PCM1: variants seen among roughly 807,000 people sequenced by gnomAD.
The protein encoded by PCM1 is pericentriolar material 1 protein.
In PCM1, 157 loss-of-function variants were observed where a neutral mutation model predicts 241.9. That is an observed-to-expected ratio of 0.65 (90% CI 0.57 to 0.74). PCM1 has a LOEUF of 0.74. Ranked by LOEUF, PCM1 falls within the 30% of genes least tolerant of loss-of-function variation. The pLI, the probability that PCM1 is intolerant of heterozygous loss-of-function variation, is 0.00. For missense variants in PCM1, 3,478 were observed against 2,360.1 expected, an observed-to-expected ratio of 1.47 and a Z score of -9.81; for synonymous variants, 1,085 against 784.9, an observed-to-expected ratio of 1.38 and a Z score of -6.39.
intron 28 of PCM1, among the ~76,000 whole-genome samples, chr8:17,992,807 G>T (rs1215982237): frequency 6.6e-6 from 1 of 151,644 alleles, no homozygotes; most frequent in Non-Finnish European, 1.5e-5. Flanking sequence ...AGTAGAGATG[G>T]GATTTCAGCA....
At chr8:17,953,214 G>A (rs1016177523) in intron 9 of PCM1, 28 bp downstream of exon 9, 4 of 1,229,596 alleles carry the variant, frequency 3.3e-6, no homozygotes, top group Admixed American at 4.0e-5. Context: ...AGCAGTATTG[G>A]GTATAAGACA....
At chr8:17,936,989 T>G in intron 3 of PCM1, 145 bp from the exon 4 acceptor site, 1 of 576,548 alleles carries the variant, frequency 1.7e-6, no homozygotes, top group Non-Finnish European at 3.0e-6. Flanking sequence ...TTAATAGAAG[T>G]AAATATTTGT....
intron 9 of PCM1, among the ~76,000 whole-genome samples, chr8:17,954,147 G>T (rs2067123442): frequency 6.6e-6 from 1 of 152,172 alleles, no homozygotes; most frequent in Non-Finnish European, 1.5e-5. Context: ...AAGATGTGTG[G>T]CTGGGTGTGG....
At chr8:17,961,052 G>A (rs2071653177) in intron 15 of PCM1, among the ~76,000 whole-genome samples, 1 of 152,106 alleles carries the variant, frequency 6.6e-6, no homozygotes, top group South Asian at 2.1e-4. Flanking sequence ...TTATGGACCA[G>A]CATTTCCATC....
In PCM1 at chr8:17,938,618, A is replaced by C. The variant is rs1585955947; in HGVS notation, c.343-122A>C. 1.5e-5 allele frequency: 10 copies of C among 667,928 alleles called. No homozygotes were observed. The South Asian group carries it at 1.9e-4, about 13-fold the overall frequency. The allele number at this position is 667,928 out of a possible 1,614,324, so 41.4% of individuals were successfully genotyped here. On this transcript the variant is annotated intron_variant, in intron 4 of 38. Transcript: ENST00000325083. ...CCAAAGCTCTTTCAGGTCTTAGTGC[A>C]AAGCTCTTTGTGTGCACCTTCTGAA...
rs1270585546 is a variant in PCM1, at chr8:17,985,597, A to C, written c.4259A>C (p.Gln1420Pro). 1 of 1,607,322 alleles carries C rather than the reference A, an allele frequency of 6.2e-7. No individual in the cohort carries two copies. Among genetic ancestry groups the C allele is most frequent in the Non-Finnish European group, 8.5e-7 (1 of 1,176,348 alleles). Reference protein sequence around the residue: ...LQLLNTDYLRQRALYALQDIV... With the variant: ...LQLLNTDYLRPRALYALQDIV... Reference sequence around the variant, plus strand: ...CTACTAAACACAGACTACTTGAGACAGAGGGCTTTATATGCATTGCAGGTA... The same window carrying C: ...CTACTAAACACAGACTACTTGAGACCGAGGGCTTTATATGCATTGCAGGTA... The change falls in exon 25 of 39, where the codon CAG becomes CCG. Residue 1420 changes from glutamine to proline, a missense_variant. Transcript: ENST00000325083.
Position 17,967,174 on chromosome 8 carries a change from GGT to G in PCM1, c.3412+6_3412+7del. ...AACTTTTCATCATTTGCACCAGGTA[GGT>G]GACTTAACCTAAAGAGAAAATAAAT... On this transcript the variant is annotated splice_donor_5th_base_variant and intron_variant, in intron 21 of 38. Transcript: ENST00000325083. The G allele has an allele frequency of 6.4e-7, 1 of 1,572,514 alleles. No homozygotes were observed. Among genetic ancestry groups the G allele is most frequent in the Non-Finnish European group, 8.7e-7 (1 of 1,155,508 alleles).
rs778272534 is a variant in PCM1, at chr8:18,014,679, A to G, written c.5680A>G (p.Thr1894Ala). The change falls in exon 36 of 39, where the codon ACT becomes GCT. Residue 1894 changes from threonine (T) to alanine (A), a missense_variant. Coordinates refer to ENST00000325083, the MANE Select transcript of PCM1 (RefSeq NM_006197.4). ...NSAAHKESPP[T>A]VDSTQQPNPL... The stretch of plus-strand genomic sequence containing the variant: ...TGCTGCCCATAAGGAGTCACCTCCT[A>G]CTGTTGATTCAACTCAACAGCCTAA... The G allele has an allele frequency of 3.7e-6, 6 of 1,613,624 alleles. No homozygotes were observed. The African/African-American group carries it at 4.0e-5, about 11-fold the overall frequency.
chr8:18,015,969 A>C (rs1588585361), intron 36 of PCM1, among the ~76,000 whole-genome samples: 3 of 151,970 alleles, frequency 2.0e-5, no homozygotes, highest in Admixed American at 6.6e-5. Context: ...GCTCACTGCA[A>C]CCTCTGCCTC....
intron 29 of PCM1, among the ~76,000 whole-genome samples, chr8:17,998,136 C>T (rs2129482448): frequency 6.6e-6 from 1 of 152,284 alleles, no homozygotes; most frequent in Non-Finnish European, 1.5e-5. Flanking sequence ...TGAAAGGTCA[C>T]ATATCTCTCT....
intron 34 of PCM1, chr8:18,013,752 G>C: frequency 2.0e-6 from 1 of 507,600 alleles, no homozygotes. Context: ...ATTATACTGT[G>C]TGTGTGTGTT....
At chr8:18,018,893 C>CATATATATATATATAT (rs749438200) in intron 36 of PCM1, among the ~76,000 whole-genome samples, 1 of 120,240 alleles carries the variant, frequency 8.3e-6, no homozygotes, top group Non-Finnish European at 1.7e-5. Context: ...CACACATATA[C>CATATATATATATATAT]ATACACATAT....
chr8:17,973,433 C>T (rs1340178043), intron 23 of PCM1, among the ~76,000 whole-genome samples: 1 of 151,904 alleles, frequency 6.6e-6, no homozygotes. Context: ...TATTTGGTGC[C>T]TAAGGCTAGT....
At chr8:17,986,502 C>G (rs111737047) in intron 26 of PCM1, among the ~76,000 whole-genome samples, 5 of 136,188 alleles carry the variant, frequency 3.7e-5, no homozygotes, top group Non-Finnish European at 6.4e-5. Context: ...AAAGCCTAGA[C>G]AAAAGTCTTC....
chr8:18,025,705 T>G, intron 38 of PCM1, 47 bp downstream of exon 38: 1 of 1,050,208 alleles, frequency 9.5e-7, no homozygotes, highest in East Asian at 2.6e-5. Flanking sequence ...AATCATTGAA[T>G]CTTCATACTA....
chr8:17,930,811 C>T (rs2058769386), intron 2 of PCM1, among the ~76,000 whole-genome samples: 1 of 151,356 alleles, frequency 6.6e-6, no homozygotes, highest in South Asian at 2.1e-4. Flanking sequence ...ACCTGGGAGG[C>T]GGAGCTTGTA....
intron 2 of PCM1, among the ~76,000 whole-genome samples, chr8:17,933,541 C>G (rs895508793): frequency 6.6e-6 from 1 of 152,114 alleles, no homozygotes; most frequent in Admixed American, 6.5e-5. Flanking sequence ...TATTTAGTAT[C>G]CCATCATGGA....
intron 13 of PCM1, among the ~76,000 whole-genome samples, chr8:17,958,941 T>A (rs775618722): frequency 3.9e-5 from 6 of 152,146 alleles, no homozygotes; most frequent in Non-Finnish European, 7.4e-5. Flanking sequence ...AGGCTGGTCT[T>A]GAACTCCTGG....
intron 20 of PCM1, 45 bp downstream of exon 20, chr8:17,966,518 T>A (rs776287010): frequency 4.5e-6 from 7 of 1,563,802 alleles, no homozygotes; most frequent in South Asian, 1.1e-5. Context: ...AGAGCTAACA[T>A]TGAGCAGAGG....
Sources: gnomAD v4.1 joint callset for allele counts (sites outside exome capture counted in the v4.1 genomes callset) on GRCh38, gnomAD v4.1.1 for gene constraint, MANE v1.5 for transcripts, NCBI Gene and HGNC (gene_info 2026-07-23, HGNC 2026-07-21) for gene names.